The following SYNE1 variants were observed in gnomAD, a reference collection of about 807,000 sequenced individuals.
The protein encoded by SYNE1 is spectrin repeat containing nuclear envelope protein 1, also known as nesprin-1.
Under a neutral mutation model 1,111.0 loss-of-function variants are expected in SYNE1, and 616 were observed. The ratio of observed to expected loss-of-function variants is 0.55; its 90% CI spans 0.52 to 0.59. The LOEUF (loss-of-function observed/expected upper bound fraction) is 0.59. SYNE1 is among the 20% of genes least tolerant of loss of function. The pLI is 0.00. For missense variants in SYNE1, 10,006 were observed against 10,417.0 expected (o/e 0.96, Z 1.72); for synonymous variants, 3,855 against 3,825.8 (o/e 1.01, Z -0.28).
Position 152,213,750 on chromosome 6 carries a change from C to T in SYNE1, c.22356G>A (p.Gln7452=). ...AAGTCTGATGTTGTAGCAAAAATGA[C>T]TGCAACTTGCTGAAAGAACAAAGGG... ...SQTTERFSKL[Q]SFLLQHQTFL... Residue 7452 remains glutamine, a synonymous_variant, in exon 123 of 146, where the codon CAG becomes CAA. Transcript: ENST00000367255. 1 of 1,614,052 alleles carries T rather than the reference C, an allele frequency of 6.2e-7. No homozygotes were observed. Among genetic ancestry groups the T allele is most frequent in the Non-Finnish European group, 8.5e-7 (1 of 1,179,966 alleles).
intron 101 of SYNE1, among the ~76,000 whole-genome samples, chr6:152,260,962 G>T (rs576491379): frequency 6.6e-6 from 1 of 152,214 alleles, no homozygotes; most frequent in South Asian, 2.1e-4. Flanking sequence ...TCTGCAGCCT[G>T]GGGGTTGGGA....
intron 38 of SYNE1, among the ~76,000 whole-genome samples, chr6:152,427,013 C>A (rs1235306885): frequency 2.5e-4 from 38 of 152,110 alleles, no homozygotes; most frequent in Non-Finnish European, 2.9e-5. Context: ...TTTTGAGAAG[C>A]AATTTTGACT....
chr6:152,381,579 C>T, intron 55 of SYNE1: 1 of 598,250 alleles, frequency 1.7e-6, no homozygotes, highest in South Asian at 2.0e-5. Context: ...CCCGAGAATC[C>T]TCAATATCCT....
chr6:152,266,267 AAT>A (rs767245668), intron 100 of SYNE1, among the ~76,000 whole-genome samples: 2 of 152,160 alleles, frequency 1.3e-5, no homozygotes, highest in Non-Finnish European at 2.9e-5. Flanking sequence ...GAAAGAAAAA[AAT>A]ATATATGGTA....
chr6:152,253,814 T>A (rs1748174), intron 104 of SYNE1, among the ~76,000 whole-genome samples: 2 of 35,748 alleles, frequency 5.6e-5, no homozygotes, highest in Admixed American at 6.7e-4. Flanking sequence ...TGTGTAGTGG[T>A]TTGGTTTTTT....
chr6:152,553,593 C>T (rs1028189299), intron 3 of SYNE1, among the ~76,000 whole-genome samples: 37 of 152,184 alleles, frequency 2.4e-4, no homozygotes, highest in African/African-American at 8.9e-4. Context: ...TCCAGTTCTT[C>T]AACCTTGTCT....
In SYNE1 at chr6:152,409,594, T is replaced by C. The variant is rs779107643; in HGVS notation, c.6346A>G (p.Lys2116Glu). ...SSVIVTRTTI[K>E]DQEDLKWAFS... The stretch of plus-strand genomic sequence containing the variant: ...GCCCATTTAAGATCCTCCTGATCTT[T>C]TATGGTAGTTCTGGTTACAATCACA... The change falls in exon 43 of 146, where the codon AAA (lysine) becomes GAA (glutamate). Residue 2116 changes from lysine to glutamate, a missense_variant. Around this residue, in one of 7 missense-constraint regions of SYNE1, gnomAD observed 4,955 missense variants for 5,017.2 expected, o/e 0.99. Transcript: ENST00000367255. 1 of 1,613,902 alleles carries C rather than the reference T, an allele frequency of 6.2e-7. No homozygotes were observed. The highest frequency in any genetic ancestry group is 8.5e-7 in the Non-Finnish European group (1 of 1,179,978).
intron 14 of SYNE1, chr6:152,481,251 T>G: frequency 4.5e-6 from 1 of 224,502 alleles, no homozygotes; most frequent in Non-Finnish European, 9.1e-6. Flanking sequence ...ACCTCTAGAT[T>G]GGAGGCACCA....
intron 142 of SYNE1, chr6:152,133,811 T>C: frequency 3.1e-6 from 1 of 319,904 alleles, no homozygotes; most frequent in Non-Finnish European, 5.9e-6. Context: ...AGATGTAAGA[T>C]AATCTTTTAA....
At chr6:152,300,998 G>A (rs968114248) in intron 92 of SYNE1, among the ~76,000 whole-genome samples, 8 of 152,202 alleles carry the variant, frequency 5.3e-5, no homozygotes, top group Non-Finnish European at 1.2e-4. Context: ...AGGGATGGGG[G>A]TGCATATGAC....
chr6:152,518,859 T>C (rs927464698), intron 6 of SYNE1, among the ~76,000 whole-genome samples: 1 of 149,848 alleles, frequency 6.7e-6, no homozygotes, highest in African/African-American at 2.5e-5. Flanking sequence ...CATACAGAGA[T>C]AGAGAGAGAG....
At chr6:152,527,291 T>A (rs1594720790) in intron 4 of SYNE1, among the ~76,000 whole-genome samples, 1 of 152,230 alleles carries the variant, frequency 6.6e-6, no homozygotes, top group Non-Finnish European at 1.5e-5. Flanking sequence ...AATGTCTGAA[T>A]AGTACAATTC....
intron 59 of SYNE1, 79 bp downstream of exon 59, chr6:152,372,958 T>C (rs775841614): frequency 2.2e-5 from 33 of 1,504,404 alleles, no homozygotes; most frequent in African/African-American, 5.5e-5. Flanking sequence ...GGCTTTGATA[T>C]ACAGAAACTG....
intron 11 of SYNE1, among the ~76,000 whole-genome samples, chr6:152,493,224 G>A (rs1454689430): frequency 6.6e-6 from 1 of 151,992 alleles, no homozygotes; most frequent in African/African-American, 2.4e-5. Context: ...GGCTTTGAGA[G>A]GACTAAAGCC....
intron 141 of SYNE1, 103 bp from the exon 142 acceptor site, chr6:152,135,335 A>G: frequency 7.5e-7 from 1 of 1,334,176 alleles, no homozygotes; most frequent in African/African-American, 1.5e-5. Context: ...CTTGGTTTTA[A>G]GAACATACAT....
chr6:152,449,528 C>T lies in SYNE1; in HGVS notation c.3504+5G>A, dbSNP rs1398879746. On this transcript the variant is annotated splice_donor_5th_base_variant and intron_variant, in intron 28 of 145. Transcript: ENST00000367255. ...TCCTCTAGCAAATAATGACCCTGAA[C>T]TTACTTCAACGGCACGTTTAACCTC... The T allele has an allele frequency of 1.9e-6, 3 of 1,610,280 alleles. No individual in the cohort carries two copies. The highest frequency in any genetic ancestry group is 1.7e-5 in the Admixed American group (1 of 60,018).
chr6:152,275,431 T>C (rs2093545319), intron 98 of SYNE1, among the ~76,000 whole-genome samples: 1 of 152,232 alleles, frequency 6.6e-6, no homozygotes, highest in African/African-American at 2.4e-5. Context: ...GTGAGTCATA[T>C]TTTGTCCACT....
At position 152,242,346 on chromosome 6, in the gene SYNE1, T is replaced by C. The variant is rs2085923878; in HGVS notation, c.19787A>G (p.Gln6596Arg). The stretch of plus-strand genomic sequence containing the variant: ...AGTTTCTAGCAGGTCAGCCAGATCT[T>C]GTAGGGCCCTCTCATACTGACTCTT... ...TLKSQYERAL[Q>R]DLADLLETGQ... The change falls in exon 107 of 146, where the codon CAA (glutamine) becomes CGA (arginine). Residue 6596 changes from glutamine to arginine, a missense_variant. This residue lies in a region of SYNE1 where 2,182 missense variants were observed against 2,287.8 expected (regional missense o/e 0.95). Transcript: ENST00000367255. 2 of 1,614,092 alleles carry C rather than the reference T, an allele frequency of 1.2e-6. No individual in the cohort carries two copies. The highest frequency in any genetic ancestry group is 1.7e-6 in the Non-Finnish European group (2 of 1,180,014).
chr6:152,326,205 T>G (rs529884681), intron 79 of SYNE1, 91 bp downstream of exon 79: 1 of 1,612,042 alleles, frequency 6.2e-7, no homozygotes, highest in African/African-American at 1.3e-5. Flanking sequence ...AAAAATGAAT[T>G]TACGTGCTAA....
Sources: gnomAD v4.1 joint callset for allele counts (sites outside exome capture counted in the v4.1 genomes callset) on GRCh38, gnomAD v4.1.1 for gene constraint, gnomAD v4.1.1 regional missense constraint, MANE v1.5 for transcripts, NCBI Gene and HGNC (gene_info 2026-07-23, HGNC 2026-07-21) for gene names.